The following ERC1 variants were observed in gnomAD, a reference collection of about 807,000 sequenced individuals.
The protein encoded by ERC1 is RAB6 interacting protein 2.
In ERC1, 56 loss-of-function variants were observed where a neutral mutation model predicts 132.0. The observed-to-expected ratio is 0.42, with a 90% CI of 0.34 to 0.53. ERC1 has a LOEUF of 0.53. Ranked by LOEUF, ERC1 falls within the 20% of genes least tolerant of loss-of-function variation. The pLI, the probability that ERC1 is intolerant of heterozygous loss-of-function variation, is 0.03. For missense variants in ERC1, 1,202 were observed against 1,349.9 expected, an observed-to-expected ratio of 0.89 and a Z score of 1.72; for synonymous variants, 478 against 476.1, an observed-to-expected ratio of 1.00 and a Z score of -0.05.
intron 7 of ERC1, among the ~76,000 whole-genome samples, chr12:1,137,928 T>A (rs1949423453): frequency 7.7e-6 from 1 of 130,466 alleles, no homozygotes; most frequent in Non-Finnish European, 1.7e-5. Context: ...ATAATACATA[T>A]TATATAATAT....
intron 7 of ERC1, among the ~76,000 whole-genome samples, chr12:1,121,697 C>G (rs76055326): frequency 1.5e-4 from 10 of 67,200 alleles, no homozygotes; most frequent in African/African-American, 4.3e-4. Flanking sequence ...ATCTCTATCT[C>G]TATCTCTATC....
At chr12:1,237,252 A>G (rs1334035458) in intron 13 of ERC1, among the ~76,000 whole-genome samples, 1 of 151,968 alleles carries the variant, frequency 6.6e-6, no homozygotes, top group African/African-American at 2.4e-5. Context: ...ATGGATTGCT[A>G]ATCTTGGTTT....
intron 8 of ERC1, among the ~76,000 whole-genome samples, chr12:1,156,925 G>A (rs893926583): frequency 5.3e-5 from 8 of 151,764 alleles, no homozygotes; most frequent in Non-Finnish European, 1.2e-4. Context: ...AAATACATTG[G>A]TCTATTTCCT....
At chr12:1,486,195 T>C (rs968517593) in intron 18 of ERC1, among the ~76,000 whole-genome samples, 1 of 152,244 alleles carries the variant, frequency 6.6e-6, no homozygotes, top group Non-Finnish European at 1.5e-5. Context: ...TACTTCAGTA[T>C]AAATGTTAGA....
chr12:1,115,816 G>T, intron 6 of ERC1, 50 bp from the exon 7 acceptor site: 1 of 1,478,670 alleles, frequency 6.8e-7, no homozygotes, highest in South Asian at 1.2e-5. Flanking sequence ...ACAGATAAGA[G>T]GTGTTTGTTT....
rs1254260513 is a variant in ERC1, at chr12:1,289,900, T to C, written c.2668T>C (p.Ser890Pro). 1 of 1,613,914 alleles carries C rather than the reference T, an allele frequency of 6.2e-7. No homozygotes were observed. The highest frequency in any genetic ancestry group is 1.7e-5 in the Admixed American group (1 of 60,008). ...GGAGAAGGTAAAGCAGGAACTAGAA[T>C]CCATGAAAGCAAAGCTGTCCTCCAC... Reference protein sequence around the residue: ...AMEKVKQELESMKAKLSSTQQ... With the variant: ...AMEKVKQELEPMKAKLSSTQQ... Residue 890 changes from serine (S) to proline (P), a missense_variant, in exon 15 of 19, where the codon TCC (serine) becomes CCC (proline). Coordinates refer to ENST00000360905, the MANE Select transcript of ERC1 (RefSeq NM_178040.4).
At chr12:1,293,968 A>G (rs2079704941) in intron 15 of ERC1, among the ~76,000 whole-genome samples, 1 of 152,178 alleles carries the variant, frequency 6.6e-6, no homozygotes, top group Non-Finnish European at 1.5e-5. Context: ...ACATAATATA[A>G]AATTATTTTA....
intron 12 of ERC1, among the ~76,000 whole-genome samples, chr12:1,205,912 A>G (rs889796126): frequency 6.6e-6 from 1 of 152,084 alleles, no homozygotes; most frequent in African/African-American, 2.4e-5. Flanking sequence ...GTCTCTCTAA[A>G]TGAAACCCTG....
intron 14 of ERC1, among the ~76,000 whole-genome samples, chr12:1,289,094 C>T (rs1002645352): frequency 5.3e-5 from 7 of 132,698 alleles, no homozygotes; most frequent in African/African-American, 2.3e-4. Flanking sequence ...TACACACACA[C>T]ACACACACAC....
chr12:1,357,680 A>G (rs2085674421), intron 15 of ERC1, among the ~76,000 whole-genome samples: 1 of 152,236 alleles, frequency 6.6e-6, no homozygotes, highest in Non-Finnish European at 1.5e-5. Flanking sequence ...TTCTGTTCAT[A>G]TTACATACAC....
chr12:1,005,384 C>T (rs1963385885), intron 1 of ERC1, among the ~76,000 whole-genome samples: 1 of 152,170 alleles, frequency 6.6e-6, no homozygotes, highest in Non-Finnish European at 1.5e-5. Context: ...CTTAAGTCAT[C>T]TACCCACCTT....
At chr12:1,294,823 A>G (rs2079789289) in intron 15 of ERC1, among the ~76,000 whole-genome samples, 1 of 151,754 alleles carries the variant, frequency 6.6e-6, no homozygotes, top group African/African-American at 2.4e-5. Context: ...TTGTTTTTTA[A>G]TTTTCCTTTC....
At position 1,485,201 on chromosome 12, in the gene ERC1, C is replaced by CTTTTT. The variant is rs71441650; in HGVS notation, c.3214-4875_3214-4871dup. ...CCCAAACCTGGTCAAGTTTATATTTCTTTTTTTTTTTTTTTTTTTTTGAGA... is the reference window on the plus strand; with the variant it reads ...CCCAAACCTGGTCAAGTTTATATTTCTTTTTTTTTTTTTTTTTTTTTTTTTTGAGA... On this transcript the variant is annotated intron_variant, in intron 18 of 18. Transcript: ENST00000360905. Among the ~76,000 whole-genome samples, 422 of 96,364 alleles carry CTTTTT rather than the reference C, an allele frequency of 4.4e-3. 12 individuals are homozygous for CTTTTT. The highest frequency in any genetic ancestry group is 7.9e-3 in the Middle Eastern group (1 of 126). 63.2% of individuals were successfully genotyped at this position (96,364 alleles called of 152,430 possible). A position where few individuals can be genotyped will look rare whatever the true frequency, so the allele number is the denominator to read the frequency against.
intron 12 of ERC1, among the ~76,000 whole-genome samples, chr12:1,212,686 G>T (rs529538439): frequency 1.3e-5 from 2 of 152,260 alleles, no homozygotes; most frequent in South Asian, 4.1e-4. Flanking sequence ...CTCTCTGCAG[G>T]CCAGATTCCT....
chr12:1,277,911 G>A lies in ERC1; in HGVS notation c.2620-11941G>A, dbSNP rs114772048. Among the ~76,000 whole-genome samples, 484 of 152,266 alleles carry A rather than the reference G, an allele frequency of 3.2e-3. 5 individuals carry two copies. Among genetic ancestry groups the A allele is most frequent in the African/African-American group, 0.011 (455 of 41,546 alleles). ...AGTTCACGATCATCTTCTCTTTGCC[G>A]TTGTGTAATCAGTTCAGTCTTTCAA... On this transcript the variant is annotated intron_variant, in intron 14 of 18. Coordinates refer to ENST00000360905, the MANE Select transcript of ERC1 (RefSeq NM_178040.4).
At chr12:1,457,704 T>A (rs1398058893) in intron 18 of ERC1, among the ~76,000 whole-genome samples, 1 of 151,658 alleles carries the variant, frequency 6.6e-6, no homozygotes, top group Non-Finnish European at 1.5e-5. Flanking sequence ...AAGTATAGAG[T>A]CATACACTTT....
chr12:1,391,555 G>A (rs1164878165), intron 16 of ERC1: 1 of 152,312 alleles, frequency 6.6e-6, no homozygotes, highest in East Asian at 1.9e-4. Context: ...ACACTGTGGA[G>A]GGGAGACTTC....
intron 16 of ERC1, among the ~76,000 whole-genome samples, chr12:1,372,215 GTTTT>G (rs2087327240): frequency 6.6e-6 from 1 of 152,026 alleles, no homozygotes. Context: ...CTATGAGAAT[GTTTT>G]TTAACTTTGT....
In ERC1 at chr12:1,253,774, A is replaced by G. The variant is rs571737768; in HGVS notation, c.2488-9260A>G. On this transcript the variant is annotated intron_variant, in intron 13 of 18. Coordinates refer to ENST00000360905, the MANE Select transcript of ERC1 (RefSeq NM_178040.4). The stretch of plus-strand genomic sequence containing the variant: ...ACATCAAGAAGTAAAGTTCTGAGAG[A>G]TGTATTGGGAGTGGTATCATGGGAG... Among the ~76,000 whole-genome samples the G allele has an allele frequency of 6.0e-4, 92 of 152,214 alleles. 1 individual carries two copies. Among genetic ancestry groups the G allele is most frequent in the African/African-American group, 2.1e-3 (88 of 41,534 alleles).
Sources: gnomAD v4.1 joint callset for allele counts (sites outside exome capture counted in the v4.1 genomes callset) on GRCh38, gnomAD v4.1.1 for gene constraint, MANE v1.5 for transcripts, NCBI Gene and HGNC (gene_info 2026-07-23, HGNC 2026-07-21) for gene names.